CADPS2: variants seen among roughly 807,000 people sequenced by gnomAD.
CADPS2 encodes the protein calcium-dependent secretion activator 2.
Under a neutral mutation model 172.5 loss-of-function variants are expected in CADPS2, and 93 were observed. The ratio of observed to expected loss-of-function variants is 0.54; its 90% confidence interval spans 0.46 to 0.64. The LOEUF (loss-of-function observed/expected upper bound fraction) is 0.64, where lower values mean the gene tolerates loss of function less well. Among genes scored for constraint, CADPS2 ranks in the 30% least tolerant of loss-of-function variants. CADPS2 has a pLI of 0.00. For missense variants in CADPS2, 1,420 were observed against 1,565.9 expected (o/e 0.91, Z 1.57); for synonymous variants, 546 against 555.2 (o/e 0.98, Z 0.23).
At chr7:122,762,016 A>ATC in intron 1 of CADPS2, among the ~76,000 whole-genome samples, 1 of 49,348 alleles carries the variant, frequency 2.0e-5, no homozygotes, top group African/African-American at 1.0e-4. Flanking sequence ...AAAAAAAAAT[A>ATC]TATATATATA....
chr7:122,343,303 C>A (rs1027912928), intron 28 of CADPS2, among the ~76,000 whole-genome samples: 3 of 152,208 alleles, frequency 2.0e-5, no homozygotes. Flanking sequence ...CCTTCACAAC[C>A]AAAACAGAAT....
chr7:122,769,353 A>G (rs1487191960), intron 1 of CADPS2, among the ~76,000 whole-genome samples: 1 of 152,198 alleles, frequency 6.6e-6, no homozygotes, highest in African/African-American at 2.4e-5. Context: ...GGAAAGCCAT[A>G]CATGGACCCA....
intron 8 of CADPS2, among the ~76,000 whole-genome samples, chr7:122,530,834 A>G (rs913646906): frequency 8.5e-5 from 13 of 152,182 alleles, no homozygotes; most frequent in Non-Finnish European, 1.2e-4. Flanking sequence ...CCTCTTTTAT[A>G]CGGAGGAGAT....
At chr7:122,401,741 T>C (rs2045982160) in intron 20 of CADPS2, among the ~76,000 whole-genome samples, 1 of 152,232 alleles carries the variant, frequency 6.6e-6, no homozygotes, top group Admixed American at 6.5e-5. Context: ...TTGGGGTAGA[T>C]GAAGGCAGGG....
At chr7:122,363,815 A>G (rs1431881429) in intron 25 of CADPS2, among the ~76,000 whole-genome samples, 1 of 152,190 alleles carries the variant, frequency 6.6e-6, no homozygotes, top group Non-Finnish European at 1.5e-5. Context: ...GAATACATTA[A>G]GTCACAAGTT....
chr7:122,332,790 A>G (rs995329839), intron 28 of CADPS2, among the ~76,000 whole-genome samples: 1 of 152,228 alleles, frequency 6.6e-6, no homozygotes, highest in African/African-American at 2.4e-5. Context: ...GTTCACTACT[A>G]CTTTCAAAAT....
chr7:122,827,643 AAG>A (rs986465588), intron 1 of CADPS2, among the ~76,000 whole-genome samples: 2 of 151,874 alleles, frequency 1.3e-5, no homozygotes, highest in Non-Finnish European at 2.9e-5. Flanking sequence ...AAAAAAAAAA[AAG>A]AAATGAAAAG....
intron 25 of CADPS2, among the ~76,000 whole-genome samples, chr7:122,371,936 T>C (rs1213410879): frequency 1.3e-5 from 2 of 152,084 alleles, no homozygotes; most frequent in Admixed American, 1.3e-4. Flanking sequence ...CTTGTAGAGA[T>C]GTACAGAAAG....
chr7:122,516,114 A>G (rs2060356404), intron 8 of CADPS2, among the ~76,000 whole-genome samples: 2 of 152,144 alleles, frequency 1.3e-5, no homozygotes, highest in Non-Finnish European at 2.9e-5. Context: ...AGAATAAAAG[A>G]GAATTTGTGA....
At chr7:122,705,626 A>C (rs1227911193) in intron 2 of CADPS2, among the ~76,000 whole-genome samples, 2 of 104,994 alleles carry the variant, frequency 1.9e-5, no homozygotes, top group African/African-American at 7.9e-5. Context: ...TATATATATT[A>C]TATATGATAT....
intron 1 of CADPS2, among the ~76,000 whole-genome samples, chr7:122,875,646 AAAC>A (rs1821018929): frequency 6.6e-6 from 1 of 152,342 alleles, no homozygotes; most frequent in East Asian, 1.9e-4. Context: ...ACTAAAGAGA[AAAC>A]AAATTTTTCA....
intron 1 of CADPS2, among the ~76,000 whole-genome samples, chr7:122,742,997 A>G (rs1185023050): frequency 6.6e-6 from 1 of 152,214 alleles, no homozygotes; most frequent in Non-Finnish European, 1.5e-5. Context: ...ATTATTATTT[A>G]GCATATGTTT....
Position 122,407,450 on chromosome 7 carries a change from C to A in CADPS2, c.2746+90G>T. 2.2e-6 allele frequency: 3 copies of A among 1,353,560 alleles called. No individual in the cohort carries two copies. The Middle Eastern group carries it at 5.5e-4, about 250-fold the overall frequency. 83.8% of individuals were successfully genotyped at this position (1,353,560 alleles called of 1,614,324 possible). A position where few individuals can be genotyped will look rare whatever the true frequency, so the allele number is the denominator to read the frequency against. On this transcript the variant is annotated intron_variant, in intron 20 of 29. Coordinates refer to ENST00000449022, the MANE Select transcript of CADPS2 (RefSeq NM_017954.11). ...GTTACCCATGCGAACTCTTGTCAGG[C>A]CGGTGTGAGGGCACAGTAAAAATAC... is the stretch of plus-strand genomic sequence containing the variant.
At chr7:122,668,415 A>G (rs983847373) in intron 2 of CADPS2, among the ~76,000 whole-genome samples, 3 of 151,938 alleles carry the variant, frequency 2.0e-5, no homozygotes, top group Admixed American at 6.6e-5. Flanking sequence ...AAAAAAAAAA[A>G]AAACAAAAAC....
intron 6 of CADPS2, among the ~76,000 whole-genome samples, chr7:122,601,765 T>C (rs78391111): frequency 0.033 from 4,973 of 152,078 alleles, 259 homozygotes; most frequent in African/African-American, 0.11. Flanking sequence ...AAAATATTGC[T>C]GTTATCATCC....
chr7:122,818,776 T>C (rs1584607983), intron 1 of CADPS2, among the ~76,000 whole-genome samples: 1 of 152,170 alleles, frequency 6.6e-6, no homozygotes, highest in African/African-American at 2.4e-5. Context: ...GCTAAAGGCA[T>C]AGTCAAGGTT....
At chr7:122,433,263 G>A (rs1012591247) in intron 17 of CADPS2, among the ~76,000 whole-genome samples, 2 of 151,990 alleles carry the variant, frequency 1.3e-5, no homozygotes, top group Admixed American at 6.6e-5. Context: ...TCACAGGCAT[G>A]AGCCACCATG....
chr7:122,351,499 G>A (rs2038636127), intron 27 of CADPS2, among the ~76,000 whole-genome samples: 1 of 149,850 alleles, frequency 6.7e-6, no homozygotes. Flanking sequence ...TATATGTTTA[G>A]GTAGTTTTGA....
intron 1 of CADPS2, among the ~76,000 whole-genome samples, chr7:122,793,551 A>G (rs1795733631): frequency 6.6e-6 from 1 of 152,190 alleles, no homozygotes; most frequent in South Asian, 2.1e-4. Flanking sequence ...CCTTAAAGAC[A>G]GCATATCAAT....
Sources: gnomAD v4.1 joint callset for allele counts (sites outside exome capture counted in the v4.1 genomes callset) on GRCh38, gnomAD v4.1.1 for gene constraint, MANE v1.5 for transcripts, NCBI Gene and HGNC (gene_info 2026-07-23, HGNC 2026-07-21) for gene names.